The following PPHLN1 variants were observed in gnomAD, a reference collection of about 807,000 sequenced individuals.
The protein encoded by PPHLN1 is periphilin 1.
Under a neutral mutation model 51.3 loss-of-function variants are expected in PPHLN1, and 29 were observed. The observed-to-expected ratio is 0.57, with a 90% CI of 0.42 to 0.77. The LOEUF (loss-of-function observed/expected upper bound fraction) is 0.77. PPHLN1 is among the 30% of genes least tolerant of loss of function. PPHLN1 has a pLI of 0.00. For synonymous variants in PPHLN1, 147 were observed against 147.8 expected (o/e 0.99, Z 0.04); for missense variants, 436 against 438.4 (o/e 0.99, Z 0.05).
At chr12:42,442,440 A>AG (rs941826764), downstream of PPHLN1, among the ~76,000 whole-genome samples, 33 of 152,212 alleles carry the variant, frequency 2.2e-4, no homozygotes, top group Non-Finnish European at 4.1e-4. Flanking sequence ...CTCCCTGCAA[A>AG]GGGGGGCGAC....
intron 9 of PPHLN1, among the ~76,000 whole-genome samples, chr12:42,411,590 A>T (rs910539768): frequency 6.6e-6 from 1 of 152,170 alleles, no homozygotes; most frequent in African/African-American, 2.4e-5. Context: ...ATCACCAAGC[A>T]GTGTATATTG....
chr12:42,398,751 T>C, intron 8 of PPHLN1, 103 bp from the exon 9 acceptor site: 1 of 971,994 alleles, frequency 1.0e-6, no homozygotes. Flanking sequence ...ACATGTTAAA[T>C]CTAGCACTTA....
intron 9 of PPHLN1, among the ~76,000 whole-genome samples, chr12:42,423,877 A>G (rs983416450): frequency 2.6e-5 from 4 of 152,116 alleles, no homozygotes; most frequent in Non-Finnish European, 4.4e-5. Context: ...GGGTTTTACC[A>G]TGTTGGCCAG....
At chr12:42,400,757 GTCTCTCTC>G (rs35916281) in intron 9 of PPHLN1, among the ~76,000 whole-genome samples, 1 of 140,590 alleles carries the variant, frequency 7.1e-6, no homozygotes, top group Non-Finnish European at 1.5e-5. Flanking sequence ...GCGAGACCCT[GTCTCTCTC>G]TCTCTCTCTT....
chr12:42,428,122 T>G (rs1006220336), intron 9 of PPHLN1, among the ~76,000 whole-genome samples: 1 of 152,182 alleles, frequency 6.6e-6, no homozygotes, highest in African/African-American at 2.4e-5. Context: ...ATGTTTGGCA[T>G]GGATGTGGTG....
rs71084648 is a variant in PPHLN1, at chr12:42,413,526, ATGTGTGTGTGTGTG to A, written c.909+14564_909+14577del. On this transcript the variant is annotated intron_variant, in intron 9 of 9. Transcript: ENST00000358314. ...TGTTTTGATAACTATATATATGTATATGTGTGTGTGTGTGTGTGTGTGTGTGTGTGTGTGTGTGT... is the reference window on the plus strand; with the variant it reads ...TGTTTTGATAACTATATATATGTATATGTGTGTGTGTGTGTGTGTGTGTGT... Among the ~76,000 whole-genome samples the A allele has an allele frequency of 4.2e-3, 579 of 136,518 alleles. 1 individual carries two copies. The highest frequency in any genetic ancestry group is 0.033 in the Middle Eastern group (9 of 272). The allele number at this position is 136,518 out of a possible 152,430, so 89.6% of individuals were successfully genotyped here. A position where few individuals can be genotyped will look rare whatever the true frequency, so the allele number is the denominator to read the frequency against.
chr12:42,377,819 AT>A (rs1165510327), intron 5 of PPHLN1, among the ~76,000 whole-genome samples: 12 of 152,044 alleles, frequency 7.9e-5, no homozygotes, highest in African/African-American at 2.7e-4. Context: ...AAAAACAGAA[AT>A]TTTGGGGGCG....
At chr12:42,425,246 A>ATTTTTTTTTT (rs34484756) in intron 9 of PPHLN1, among the ~76,000 whole-genome samples, 9 of 124,788 alleles carry the variant, frequency 7.2e-5, no homozygotes, top group Non-Finnish European at 1.1e-4. Flanking sequence ...TGCCTGGCTA[A>ATTTTTTTTTT]TTTTTTTTTT....
intron 9 of PPHLN1, among the ~76,000 whole-genome samples, chr12:42,439,596 C>T (rs879490968): frequency 3.9e-5 from 6 of 152,240 alleles, no homozygotes; most frequent in African/African-American, 1.2e-4. Context: ...CTCACTGCGA[C>T]GTCTGCCTCC....
At chr12:42,417,750 T>TAAA (rs2080528992) in intron 9 of PPHLN1, among the ~76,000 whole-genome samples, 1 of 152,098 alleles carries the variant, frequency 6.6e-6, no homozygotes, top group Non-Finnish European at 1.5e-5. Flanking sequence ...TTTTACTTTT[T>TAAA]AACTCAGTGT....
chr12:42,445,811 T>A, downstream of PPHLN1: 2 of 784,918 alleles, frequency 2.5e-6, no homozygotes, highest in Non-Finnish European at 3.8e-6. Flanking sequence ...TTTCTGAAAT[T>A]TAGATGATAA....
chr12:42,396,501 G>T (rs2078206888), intron 8 of PPHLN1, among the ~76,000 whole-genome samples: 1 of 150,668 alleles, frequency 6.6e-6, no homozygotes, highest in Non-Finnish European at 1.5e-5. Flanking sequence ...AGAATGAAAA[G>T]AAAATTGTTT....
Position 42,384,997 on chromosome 12 carries a change from G to A in PPHLN1, c.568+1G>A, listed in dbSNP as rs750579190. 1 of 1,605,716 alleles carries A rather than the reference G, an allele frequency of 6.2e-7. No individual in the cohort carries two copies. The highest frequency in any genetic ancestry group is 8.5e-7 in the Non-Finnish European group (1 of 1,172,310). ...CAGAATGAAGGAAATCCTGAAAGAG[G>A]TGAGTTTTGAGCTAGACTCTGATTT... On this transcript the variant is annotated splice_donor_variant, in intron 6 of 9. Transcript: ENST00000358314. LOFTEE classifies it high-confidence loss of function.
chr12:42,399,074 C>G (rs2078556144), intron 9 of PPHLN1, 80 bp downstream of exon 9: 1 of 1,519,652 alleles, frequency 6.6e-7, no homozygotes, highest in Non-Finnish European at 8.8e-7. Flanking sequence ...AATAAATATG[C>G]TTCATTTCTT....
At chr12:42,347,316 C>T (rs1007635365) in intron 2 of PPHLN1, 10 of 152,034 alleles carry the variant, frequency 6.6e-5, no homozygotes, top group African/African-American at 2.2e-4. Flanking sequence ...ATGGAGGTTC[C>T]GAACATTTCA....
intron 2 of PPHLN1, among the ~76,000 whole-genome samples, chr12:42,347,882 TAAA>T (rs1440127464): frequency 6.6e-6 from 1 of 152,196 alleles, no homozygotes; most frequent in East Asian, 1.9e-4. Flanking sequence ...ACGAACGCTT[TAAA>T]AATACAGTCC....
At chr12:42,412,666 A>G (rs2079981893) in intron 9 of PPHLN1, among the ~76,000 whole-genome samples, 1 of 152,106 alleles carries the variant, frequency 6.6e-6, no homozygotes, top group Non-Finnish European at 1.5e-5. Context: ...GCTGGATTGG[A>G]TGGTAGATCT....
At chr12:42,329,246 C>T (rs554237447) in intron 1 of PPHLN1, among the ~76,000 whole-genome samples, 70 of 151,976 alleles carry the variant, frequency 4.6e-4, no homozygotes, top group African/African-American at 1.6e-3. Flanking sequence ...GGACTACAGG[C>T]GCCCACCACC....
chr12:42,446,307 T>G (rs778767137), downstream of PPHLN1: 1 of 1,555,036 alleles, frequency 6.4e-7, no homozygotes, highest in Non-Finnish European at 8.7e-7. Flanking sequence ...GTCCTTTTTA[T>G]TCTCTCACTT....
Sources: allele counts gnomAD v4.1 joint callset (sites outside exome capture counted in the v4.1 genomes callset), GRCh38; gene constraint gnomAD v4.1.1; transcripts MANE v1.5; gene names NCBI Gene and HGNC (gene_info 2026-07-23, HGNC 2026-07-21).